The following PRKCA variants were observed in gnomAD, a reference collection of about 807,000 sequenced individuals.
PRKCA encodes the protein protein kinase C alpha type.
Under a neutral mutation model 87.0 loss-of-function variants are expected in PRKCA, and 27 were observed. The observed-to-expected ratio is 0.31, with a 90% CI of 0.23 to 0.43. The LOEUF is 0.43. Among genes scored for constraint, PRKCA ranks in the 20% least tolerant of loss-of-function variants. The pLI is 1.00. For synonymous variants in PRKCA, 329 were observed against 311.1 expected (o/e 1.06, Z -0.61); for missense variants, 518 against 852.3 (o/e 0.61, Z 4.88).
At chr17:66,453,017 G>C (rs1176214665) in intron 2 of PRKCA, among the ~76,000 whole-genome samples, 2 of 152,254 alleles carry the variant, frequency 1.3e-5, no homozygotes, top group Non-Finnish European at 2.9e-5. Context: ...CATTTGTACA[G>C]TTGGTGGCAT....
chr17:66,337,483 A>G lies in PRKCA; in HGVS notation c.205+31356A>G, dbSNP rs1343250234. Among the ~76,000 whole-genome samples, 5 of 152,000 alleles carry G rather than the reference A, an allele frequency of 3.3e-5. 1 individual carries two copies. Among genetic ancestry groups the G allele is most frequent in the African/African-American group, 1.2e-4 (5 of 41,374 alleles). On this transcript the variant is annotated intron_variant, in intron 2 of 16. Transcript: ENST00000413366. ...TGGCACACCACAGCCTCGACCTCTC[A>G]GGCTCAAGTGATCCTTGTGCTTCAG...
chr17:66,501,912 T>G (rs928533767), intron 3 of PRKCA, among the ~76,000 whole-genome samples: 6 of 152,162 alleles, frequency 3.9e-5, no homozygotes, highest in Non-Finnish European at 8.8e-5. Flanking sequence ...TGCCATTGAT[T>G]GCCTGCCTCC....
chr17:66,305,148 C>T lies in PRKCA; in HGVS notation c.174-948C>T, dbSNP rs376553847. ...CAATTGGAAGTCCCAGGAAACCATC[C>T]ACGGGGATTGTCTTTTTCAGTTTGC... On this transcript the variant is annotated intron_variant, in intron 1 of 16. Coordinates refer to ENST00000413366, the MANE Select transcript of PRKCA (RefSeq NM_002737.3). Among the ~76,000 whole-genome samples the T allele has an allele frequency of 8.6e-5, 13 of 151,388 alleles. No homozygotes were observed. The East Asian group carries it at 1.5e-3, about 18-fold the overall frequency.
chr17:66,634,107 G>A (rs1166195343), intron 3 of PRKCA, among the ~76,000 whole-genome samples: 1 of 152,200 alleles, frequency 6.6e-6, no homozygotes, highest in Non-Finnish European at 1.5e-5. Context: ...GTTGAGAAAT[G>A]TTTCCAAGGA....
rs776083287 is a variant in PRKCA, at chr17:66,796,772, C to G, written c.1855-7101C>G. The G allele has an allele frequency of 3.0e-6, 3 of 985,374 alleles. No homozygotes were observed. In the South Asian group the frequency reaches 1.4e-4, roughly 46 times the overall value. The allele number at this position is 985,374 out of a possible 1,614,324, so 61.0% of individuals were successfully genotyped here. On this transcript the variant is annotated intron_variant, in intron 16 of 16. Transcript: ENST00000413366. ...CGCTGTGCAACCACAAGTCAGAGAGCTGTGCAGATGGTGGCGATGCGGTTG... is the reference window on the plus strand; with the variant it reads ...CGCTGTGCAACCACAAGTCAGAGAGGTGTGCAGATGGTGGCGATGCGGTTG...
intron 11 of PRKCA, 34 bp downstream of exon 11, chr17:66,738,889 C>G: frequency 1.3e-6 from 2 of 1,526,974 alleles, no homozygotes; most frequent in Non-Finnish European, 1.8e-6. Flanking sequence ...TTAATTTGAA[C>G]AACCAAGTCC....
chr17:66,350,866 C>T (rs995781470), intron 2 of PRKCA, among the ~76,000 whole-genome samples: 3 of 152,186 alleles, frequency 2.0e-5, no homozygotes, highest in African/African-American at 4.8e-5. Context: ...CATGAGCATT[C>T]GTGTGCAAAT....
chr17:66,311,015 C>T (rs1024351307), intron 2 of PRKCA, among the ~76,000 whole-genome samples: 1 of 152,254 alleles, frequency 6.6e-6, no homozygotes, highest in South Asian at 2.1e-4. Context: ...ACTGTGTGGC[C>T]TCTGGCTGCC....
intron 10 of PRKCA, among the ~76,000 whole-genome samples, chr17:66,738,035 T>C (rs1417455521): frequency 6.6e-6 from 1 of 152,222 alleles, no homozygotes; most frequent in East Asian, 1.9e-4. Context: ...GGTCATTATT[T>C]CACTGTTAAA....
intron 2 of PRKCA, among the ~76,000 whole-genome samples, chr17:66,344,248 A>G (rs1332217552): frequency 2.0e-5 from 3 of 152,244 alleles, no homozygotes; most frequent in Non-Finnish European, 2.9e-5. Context: ...CTGACCACCT[A>G]AGACCAAAAT....
intron 2 of PRKCA, among the ~76,000 whole-genome samples, chr17:66,470,190 CTTTTTTT>C (rs546468555): frequency 9.9e-6 from 1 of 101,480 alleles, no homozygotes; most frequent in Non-Finnish European, 1.9e-5. Flanking sequence ...AACCAGTTTG[CTTTTTTT>C]TTTTTTTTTT....
chr17:66,705,556 G>A (rs1235450257), intron 8 of PRKCA, among the ~76,000 whole-genome samples: 1 of 152,226 alleles, frequency 6.6e-6, no homozygotes, highest in African/African-American at 2.4e-5. Context: ...TAAAAGCCCT[G>A]TGTCTTGTAG....
intron 8 of PRKCA, among the ~76,000 whole-genome samples, chr17:66,721,826 G>C: frequency 6.6e-6 from 1 of 152,110 alleles, no homozygotes; most frequent in African/African-American, 2.4e-5. Context: ...GTTTTATCCT[G>C]TAACTAAGAA....
At chr17:66,552,155 GGGCAT>G (rs1347631741) in intron 3 of PRKCA, among the ~76,000 whole-genome samples, 1 of 152,014 alleles carries the variant, frequency 6.6e-6, no homozygotes, top group Non-Finnish European at 1.5e-5. Context: ...AAAATTAGCT[GGGCAT>G]GGTGGTACAT....
At chr17:66,615,160 G>A (rs1970482392) in intron 3 of PRKCA, among the ~76,000 whole-genome samples, 2 of 152,206 alleles carry the variant, frequency 1.3e-5, no homozygotes, top group Admixed American at 1.3e-4. Context: ...TCTCCCAGCT[G>A]AGTGGCCTCC....
intron 5 of PRKCA, among the ~76,000 whole-genome samples, chr17:66,685,121 G>A (rs529110129): frequency 8.5e-5 from 13 of 152,234 alleles, no homozygotes; most frequent in East Asian, 1.9e-4. Context: ...AAAGGAGTCC[G>A]GAACATCATG....
At chr17:66,351,419 T>C (rs1907739475) in intron 2 of PRKCA, among the ~76,000 whole-genome samples, 1 of 152,222 alleles carries the variant, frequency 6.6e-6, no homozygotes, top group South Asian at 2.1e-4. Flanking sequence ...GTGAGACTCT[T>C]TCCTCAGTTT....
intron 2 of PRKCA, among the ~76,000 whole-genome samples, chr17:66,421,835 G>A (rs1200184681): frequency 6.6e-6 from 1 of 151,898 alleles, no homozygotes; most frequent in East Asian, 1.9e-4. Flanking sequence ...GAACCACCAT[G>A]CCTGGCCTTG....
chr17:66,802,192 C>T (rs2144437675), intron 16 of PRKCA, among the ~76,000 whole-genome samples: 1 of 152,032 alleles, frequency 6.6e-6, no homozygotes, highest in East Asian at 1.9e-4. Flanking sequence ...TGCACACCAG[C>T]CTGGGTGACA....
Sources: gnomAD v4.1 joint callset for allele counts (sites outside exome capture counted in the v4.1 genomes callset) on GRCh38, gnomAD v4.1.1 for gene constraint, MANE v1.5 for transcripts, NCBI Gene and HGNC (gene_info 2026-07-23, HGNC 2026-07-21) for gene names.